Variants in SYT17 observed in about 807,000 individuals in gnomAD.
The protein encoded by SYT17 is synaptotagmin 17.
A neutral mutation model predicts 46.7 loss-of-function variants in SYT17; 22 were observed. That is an observed-to-expected ratio of 0.47 (90% confidence interval 0.34 to 0.67). The LOEUF is 0.67. Among genes scored for constraint, SYT17 ranks in the 30% least tolerant of loss-of-function variants. The pLI is 0.01. For synonymous variants in SYT17, 251 were observed against 248.4 expected (o/e 1.01, Z -0.10); for missense variants, 519 against 612.8 (o/e 0.85, Z 1.62).
At position 19,168,420 on chromosome 16, in the gene SYT17, C is replaced by T; in HGVS notation, c.-227C>T. 1.7e-6 allele frequency: 1 copy of T among 599,848 alleles called. No homozygotes were observed. Among genetic ancestry groups the T allele is most frequent in the Admixed American group, 3.2e-5 (1 of 31,396 alleles). The allele number at this position is 599,848 out of a possible 1,614,324, so 37.2% of individuals were successfully genotyped here. ...GCCCTGGGCGCCCGATATCTCCGAA[C>T]CGGGGAGGCGGCCCCGATTCCGAGA... On this transcript the variant is annotated 5_prime_UTR_variant, in exon 1 of 8. Transcript: ENST00000355377. The surrounding 1 kb of genome is among the most constrained non-coding windows in gnomAD (Gnocchi z 6.9).
intron 5 of SYT17, among the ~76,000 whole-genome samples, chr16:19,216,685 A>G (rs1159763265): frequency 6.6e-6 from 1 of 152,128 alleles, no homozygotes; most frequent in East Asian, 1.9e-4. Flanking sequence ...TTCCAGCTTC[A>G]TCCATGTCCC....
Position 19,219,015 on chromosome 16 carries a change from C to T in SYT17, c.952-4030C>T, listed in dbSNP as rs571108279. 4.6e-5 allele frequency among the ~76,000 whole-genome samples: 7 copies of T among 152,314 alleles called. No homozygotes were observed. The East Asian group carries it at 9.6e-4, about 21-fold the overall frequency. On this transcript the variant is annotated intron_variant, in intron 5 of 7. Coordinates refer to ENST00000355377, the MANE Select transcript of SYT17 (RefSeq NM_016524.4). ...ACCGACTGAAAGGGCAGCTCCCACG[C>T]GAACCCCATCCATTCTCTTACACTG...
chr16:19,221,207 A>G (rs202212350), intron 5 of SYT17, among the ~76,000 whole-genome samples: 1,551 of 146,946 alleles, frequency 0.011, 29 homozygotes, highest in African/African-American at 0.038. Flanking sequence ...AAAAAAAAAA[A>G]AGAGAGAGAG....
chr16:19,178,994 C>G (rs1230927415), intron 3 of SYT17, among the ~76,000 whole-genome samples: 1 of 151,338 alleles, frequency 6.6e-6, no homozygotes, highest in Non-Finnish European at 1.5e-5. Flanking sequence ...CCCAGGAGTT[C>G]GAGTCCAGCC....
At position 19,224,852 on chromosome 16, in the gene SYT17, C is replaced by G; in HGVS notation, c.1228+14C>G. 6.2e-7 allele frequency: 1 copy of G among 1,613,536 alleles called. No homozygotes were observed. Among genetic ancestry groups the G allele is most frequent in the Non-Finnish European group, 8.5e-7 (1 of 1,179,660 alleles). On this transcript the variant is annotated intron_variant, in intron 7 of 7. Coordinates refer to ENST00000355377, the MANE Select transcript of SYT17 (RefSeq NM_016524.4). ...TAGTGTTTACAGGTAGGTAGCATTCCAAAACCCGATGAACTCCAGGTGAGG... is the reference window on the plus strand; with the variant it reads ...TAGTGTTTACAGGTAGGTAGCATTCGAAAACCCGATGAACTCCAGGTGAGG...
In SYT17 at chr16:19,224,672, C is replaced by G. The variant is rs765922702; in HGVS notation, c.1073-11C>G. On this transcript the variant is annotated splice_polypyrimidine_tract_variant and intron_variant, in intron 6 of 7. Transcript: ENST00000355377. ...TCTCCAACATTCTATGATGCTGTGTCTAATTTTCAGACCCCTTTGTGAAAA... is the reference window on the plus strand; with the variant it reads ...TCTCCAACATTCTATGATGCTGTGTGTAATTTTCAGACCCCTTTGTGAAAA... The G allele has an allele frequency of 6.2e-7, 1 of 1,613,800 alleles. No individual in the cohort carries two copies. Among genetic ancestry groups the G allele is most frequent in the South Asian group, 1.1e-5 (1 of 91,024 alleles).
chr16:19,191,001 C>G (rs1012213327), intron 5 of SYT17, among the ~76,000 whole-genome samples: 5 of 151,914 alleles, frequency 3.3e-5, no homozygotes, highest in Non-Finnish European at 7.4e-5. Flanking sequence ...GGTTCATTTT[C>G]TCTTGAGTTC....
intron 7 of SYT17, among the ~76,000 whole-genome samples, chr16:19,248,453 C>T (rs1052142742): frequency 1.3e-5 from 2 of 152,042 alleles, no homozygotes; most frequent in African/African-American, 4.8e-5. Flanking sequence ...TTTGTAATCA[C>T]CAAAAAAGTG....
chr16:19,238,373 G>T (rs1966878054), intron 7 of SYT17, among the ~76,000 whole-genome samples: 1 of 152,216 alleles, frequency 6.6e-6, no homozygotes, highest in African/African-American at 2.4e-5. Context: ...CTGGATGTCG[G>T]CAGAGGCCAG....
intron 4 of SYT17, among the ~76,000 whole-genome samples, chr16:19,181,856 G>A (rs1195721342): frequency 3.3e-5 from 5 of 151,966 alleles, no homozygotes; most frequent in Non-Finnish European, 7.4e-5. Context: ...AAAATTAGAC[G>A]GGCATGGTAG....
At chr16:19,231,523 CAAAAAAAAAAAAAAAAA>C (rs143448107) in intron 7 of SYT17, among the ~76,000 whole-genome samples, 2 of 45,850 alleles carry the variant, frequency 4.4e-5, no homozygotes, top group African/African-American at 7.2e-5. Context: ...AACTCCATCA[CAAAAAAAAAAAAAAAAA>C]AAAAAAAAAA....
chr16:19,220,303 C>CTTTTTCT (rs1555459739), intron 5 of SYT17, among the ~76,000 whole-genome samples: 1 of 80,514 alleles, frequency 1.2e-5, no homozygotes, highest in Non-Finnish European at 2.2e-5. Context: ...TTCTTTCTTT[C>CTTTTTCT]TTTTTTTTTT....
At chr16:19,197,969 C>T (rs1965318859) in intron 5 of SYT17, among the ~76,000 whole-genome samples, 1 of 152,216 alleles carries the variant, frequency 6.6e-6, no homozygotes, top group South Asian at 2.1e-4. Flanking sequence ...ACCCTGGAGT[C>T]ATACAGACTT....
At chr16:19,216,179 C>G (rs903495946) in intron 5 of SYT17, among the ~76,000 whole-genome samples, 1 of 152,034 alleles carries the variant, frequency 6.6e-6, no homozygotes, top group Non-Finnish European at 1.5e-5. Context: ...GTGAAGGCTT[C>G]CCTCATTCTG....
At chr16:19,262,848 G>A (rs927408097) in intron 7 of SYT17, among the ~76,000 whole-genome samples, 7 of 152,186 alleles carry the variant, frequency 4.6e-5, no homozygotes, top group African/African-American at 1.7e-4. Flanking sequence ...GGAAGCTGCA[G>A]GTGCTTGAGG....
At chr16:19,235,474 T>C (rs1199165836) in intron 7 of SYT17, among the ~76,000 whole-genome samples, 1 of 152,120 alleles carries the variant, frequency 6.6e-6, no homozygotes, top group Non-Finnish European at 1.5e-5. Flanking sequence ...ACATATTCAA[T>C]AGGATTTAAG....
chr16:19,182,990 G>A (rs1964618222), intron 4 of SYT17, among the ~76,000 whole-genome samples: 1 of 152,182 alleles, frequency 6.6e-6, no homozygotes, highest in Non-Finnish European at 1.5e-5. Context: ...TATGCCCGGA[G>A]TCACATGGCT....
chr16:19,220,885 AG>A (rs1966291221), intron 5 of SYT17, among the ~76,000 whole-genome samples: 1 of 152,090 alleles, frequency 6.6e-6, no homozygotes, highest in Admixed American at 6.5e-5. Context: ...ACATTACCTG[AG>A]GGATGACGAA....
intron 7 of SYT17, among the ~76,000 whole-genome samples, chr16:19,258,271 G>C (rs1011196586): frequency 2.6e-5 from 4 of 152,112 alleles, no homozygotes; most frequent in Non-Finnish European, 5.9e-5. Flanking sequence ...TGTGGGAGGT[G>C]GGGGGCGGGA....
Sources: allele counts gnomAD v4.1 joint callset (sites outside exome capture counted in the v4.1 genomes callset), GRCh38; gene constraint gnomAD v4.1.1; non-coding constraint Gnocchi (gnomAD v3.1); transcripts MANE v1.5; gene names NCBI Gene and HGNC (gene_info 2026-07-23, HGNC 2026-07-21).